ITPKB: variants seen among roughly 807,000 people sequenced by gnomAD.
The protein encoded by ITPKB is IP3 3-kinase B.
Under a neutral mutation model 69.4 loss-of-function variants are expected in ITPKB, and 13 were observed. The observed-to-expected ratio is 0.19, with a 90% CI of 0.12 to 0.30. ITPKB has a LOEUF of 0.30. ITPKB is among the 10% of genes least tolerant of loss of function. ITPKB has a pLI of 1.00. For missense variants in ITPKB, 1,240 were observed against 1,250.5 expected, an observed-to-expected ratio of 0.99 and a Z score of 0.13; for synonymous variants, 584 against 513.7, an observed-to-expected ratio of 1.14 and a Z score of -1.85.
intron 2 of ITPKB, among the ~76,000 whole-genome samples, chr1:226,705,861 C>G (rs1452545909): frequency 2.0e-5 from 3 of 152,218 alleles, no homozygotes; most frequent in African/African-American, 7.2e-5. Flanking sequence ...GAATTAGAAA[C>G]TCTGAAGTCC....
At chr1:226,671,944 G>C (rs1669626167) in intron 2 of ITPKB, among the ~76,000 whole-genome samples, 2 of 152,312 alleles carry the variant, frequency 1.3e-5, no homozygotes, top group Non-Finnish European at 2.9e-5. Context: ...CAGTGAGATA[G>C]GAAGCTGCTG....
Position 226,711,955 on chromosome 1 carries a change from C to G in ITPKB, c.1932+23572G>C, listed in dbSNP as rs146153970. 5.7e-4 allele frequency among the ~76,000 whole-genome samples: 87 copies of G among 152,300 alleles called. No individual in the cohort carries two copies. In the East Asian group the frequency reaches 0.012, roughly 21 times the overall value. ...GGACATTTTTATTCTCCTCCCTGTT[C>G]TGCAAAAGGCCTCCCTGCGGGGAAG... On this transcript the variant is annotated intron_variant, in intron 2 of 7. Coordinates refer to ENST00000429204, the MANE Select transcript of ITPKB (RefSeq NM_002221.4).
intron 2 of ITPKB, among the ~76,000 whole-genome samples, chr1:226,685,367 AC>A (rs1656183487): frequency 6.6e-6 from 1 of 151,476 alleles, no homozygotes; most frequent in Non-Finnish European, 1.5e-5. Flanking sequence ...TGACCCACTC[AC>A]CATTTCCCGG....
chr1:226,679,078 G>A (rs986209155), intron 2 of ITPKB, among the ~76,000 whole-genome samples: 8 of 152,228 alleles, frequency 5.3e-5, no homozygotes, highest in African/African-American at 1.9e-4. Context: ...ATATCCCAAA[G>A]AACTGGGTGC....
In ITPKB at chr1:226,704,506, C is replaced by A. The variant is rs1045358372; in HGVS notation, c.1932+31021G>T. ...TTATTTCCTGGGCATTTATGAAAAA[C>A]TGAATTGAGCGGGCAGCAATGAAAA... On this transcript the variant is annotated intron_variant, in intron 2 of 7. Transcript: ENST00000429204. Among the ~76,000 whole-genome samples, 120 of 152,250 alleles carry A rather than the reference C, an allele frequency of 7.9e-4. 1 individual carries two copies. Among genetic ancestry groups the A allele is most frequent in the Non-Finnish European group, 4.4e-4 (30 of 68,014 alleles).
At chr1:226,702,449 T>A (rs1656692054) in intron 2 of ITPKB, among the ~76,000 whole-genome samples, 1 of 150,952 alleles carries the variant, frequency 6.6e-6, no homozygotes, top group Admixed American at 6.6e-5. Context: ...CCCTATTTCA[T>A]CATGGTGAGG....
At chr1:226,657,757 G>A (rs1307335705) in intron 2 of ITPKB, among the ~76,000 whole-genome samples, 2 of 152,232 alleles carry the variant, frequency 1.3e-5, no homozygotes, top group African/African-American at 4.8e-5. Flanking sequence ...AGGTCACACA[G>A]CTTCCAGGTT....
intron 2 of ITPKB, among the ~76,000 whole-genome samples, chr1:226,681,994 G>T (rs1434179314): frequency 6.6e-6 from 1 of 152,210 alleles, no homozygotes; most frequent in Non-Finnish European, 1.5e-5. Context: ...TAAAGGCCTG[G>T]CTGAAGAATT....
chr1:226,649,000 C>T (rs1669117331), intron 2 of ITPKB, among the ~76,000 whole-genome samples: 1 of 152,186 alleles, frequency 6.6e-6, no homozygotes, highest in African/African-American at 2.4e-5. Context: ...ACTCCCCTGT[C>T]CCAAGAGCAA....
intron 2 of ITPKB, among the ~76,000 whole-genome samples, chr1:226,725,665 G>A (rs1285579072): frequency 6.6e-6 from 1 of 152,098 alleles, no homozygotes; most frequent in Non-Finnish European, 1.5e-5. Context: ...CCTGCTTTGG[G>A]GCCCCCTCCT....
chr1:226,637,697 G>A lies in ITPKB; in HGVS notation c.2607C>T (p.Pro869=), dbSNP rs771210436. The A allele has an allele frequency of 6.2e-7, 1 of 1,613,802 alleles. No homozygotes were observed. The highest frequency in any genetic ancestry group is 1.7e-5 in the Admixed American group (1 of 60,020). ...TATCTACCTCGTGGCACTTGAAGAA[G>A]GGAGAAACTTCTAGAGTGGTTCGAA... The part of the protein sequence containing the change: ...KAIRTTLEVS[P]FFKCHEVIGS... Residue 869 remains proline (P), a synonymous_variant, in exon 7 of 8, where the codon CCC becomes CCT. Transcript: ENST00000429204. The surrounding 1 kb of genome is among the most constrained non-coding windows in gnomAD (Gnocchi z 4.3).
chr1:226,649,012 G>A (rs998987932), intron 2 of ITPKB, among the ~76,000 whole-genome samples: 1 of 152,158 alleles, frequency 6.6e-6, no homozygotes, highest in African/African-American at 2.4e-5. Flanking sequence ...CAAGAGCAAC[G>A]ACCCCTCCAA....
At chr1:226,646,537 C>T (rs1187693552) in intron 4 of ITPKB, among the ~76,000 whole-genome samples, 2 of 152,168 alleles carry the variant, frequency 1.3e-5, no homozygotes, top group Non-Finnish European at 2.9e-5. Flanking sequence ...GCCTGAGCCC[C>T]TGTCAGGAAC....
At chr1:226,643,626 C>T (rs1241370828) in intron 4 of ITPKB, among the ~76,000 whole-genome samples, 5 of 152,296 alleles carry the variant, frequency 3.3e-5, no homozygotes, top group African/African-American at 1.2e-4. Context: ...AAATGACAGG[C>T]TTTAGAAACC....
At chr1:226,726,922 T>C (rs1325746044) in intron 2 of ITPKB, among the ~76,000 whole-genome samples, 1 of 152,182 alleles carries the variant, frequency 6.6e-6, no homozygotes, top group East Asian at 1.9e-4. Flanking sequence ...ACAAAATCTC[T>C]TAGCCATTTC....
intron 2 of ITPKB, among the ~76,000 whole-genome samples, chr1:226,724,089 C>T (rs1354620519): frequency 6.6e-6 from 1 of 152,110 alleles, no homozygotes; most frequent in East Asian, 1.9e-4. Context: ...GCTGCATTAT[C>T]TCCTTTCATC....
chr1:226,720,139 C>T (rs1657197229), intron 2 of ITPKB, among the ~76,000 whole-genome samples: 1 of 152,188 alleles, frequency 6.6e-6, no homozygotes, highest in East Asian at 1.9e-4. Context: ...GAAAAGAATC[C>T]ACTCTTAGTT....
chr1:226,639,044 G>C (rs1198835142), intron 6 of ITPKB, among the ~76,000 whole-genome samples: 1 of 135,010 alleles, frequency 7.4e-6, no homozygotes, highest in East Asian at 2.3e-4. Context: ...ACTAACTTCA[G>C]TGCCCTTGAC....
intron 2 of ITPKB, among the ~76,000 whole-genome samples, chr1:226,658,229 G>C (rs561441471): frequency 6.6e-6 from 1 of 152,332 alleles, no homozygotes; most frequent in East Asian, 1.9e-4. Flanking sequence ...GGAAAAGCCT[G>C]GTGCTTCTCC....
Sources: gnomAD v4.1 joint callset for allele counts (sites outside exome capture counted in the v4.1 genomes callset) on GRCh38, gnomAD v4.1.1 for gene constraint, Gnocchi (gnomAD v3.1) non-coding constraint, MANE v1.5 for transcripts, NCBI Gene and HGNC (gene_info 2026-07-23, HGNC 2026-07-21) for gene names.